The following ERG variants were observed in gnomAD, a reference collection of about 807,000 sequenced individuals.
ERG encodes the protein transcriptional regulator ERG.
In ERG, 9 loss-of-function variants were observed where a neutral mutation model predicts 55.3. The ratio of observed to expected loss-of-function variants is 0.16; its 90% CI spans 0.10 to 0.28. ERG has a LOEUF of 0.28. Among genes scored for constraint, ERG ranks in the 10% least tolerant of loss-of-function variants. ERG has a pLI of 1.00. For synonymous variants in ERG, 223 were observed against 237.3 expected, an observed-to-expected ratio of 0.94 and a Z score of 0.55; for missense variants, 434 against 631.6, an observed-to-expected ratio of 0.69 and a Z score of 3.35.
intron 1 of ERG, among the ~76,000 whole-genome samples, chr21:38,634,034 AAAAAATAATACGTCCAC>A (rs576884466): frequency 1.8e-4 from 27 of 152,230 alleles, no homozygotes; most frequent in Non-Finnish European, 3.2e-4. Context: ...GAACATTGAT[AAAAAATAATACGTCCAC>A]AAAAATAAAA....
chr21:38,490,130 G>A (rs924721805), intron 1 of ERG, among the ~76,000 whole-genome samples: 7 of 152,124 alleles, frequency 4.6e-5, no homozygotes, highest in Non-Finnish European at 1.0e-4. Flanking sequence ...ATAATTGGGA[G>A]CTCACTGTGT....
At chr21:38,569,205 G>C (rs2059942352) in intron 2 of ERG, among the ~76,000 whole-genome samples, 1 of 152,306 alleles carries the variant, frequency 6.6e-6, no homozygotes, top group South Asian at 2.1e-4. Context: ...TGGAAGGTTT[G>C]CTAAATGTTT....
At chr21:38,432,560 G>T (rs2146528115) in intron 2 of ERG, among the ~76,000 whole-genome samples, 1 of 152,182 alleles carries the variant, frequency 6.6e-6, no homozygotes, top group East Asian at 1.9e-4. Context: ...CATGGCTCCA[G>T]ACTCTTTCCA....
chr21:38,396,758 C>T (rs1451465446), intron 6 of ERG, among the ~76,000 whole-genome samples: 2 of 151,956 alleles, frequency 1.3e-5, no homozygotes, highest in African/African-American at 4.8e-5. Flanking sequence ...TCTGTTTTTG[C>T]CACTTTTTCC....
chr21:38,504,788 G>C (rs1324233933), intron 2 of ERG, among the ~76,000 whole-genome samples: 1 of 152,134 alleles, frequency 6.6e-6, no homozygotes, highest in Non-Finnish European at 1.5e-5. Context: ...ATTTATCCCA[G>C]GTTGTTGAAA....
intron 1 of ERG, among the ~76,000 whole-genome samples, chr21:38,641,382 T>C (rs539341560): frequency 1.9e-3 from 290 of 152,272 alleles, no homozygotes; most frequent in Non-Finnish European, 3.3e-3. Flanking sequence ...TGCCTTGACA[T>C]TGAACTTCCC....
At chr21:38,530,556 T>C (rs2059665124) in intron 2 of ERG, among the ~76,000 whole-genome samples, 2 of 152,184 alleles carry the variant, frequency 1.3e-5, no homozygotes, top group South Asian at 2.1e-4. Flanking sequence ...CAAAACTGTC[T>C]GGCAGAATTC....
In ERG at chr21:38,381,292, G is replaced by A. The variant is rs1254087126; in HGVS notation, c.*2111C>T. 1.0e-5 allele frequency: 11 copies of A among 1,064,602 alleles called. No individual in the cohort carries two copies. The highest frequency in any genetic ancestry group is 4.1e-4 in the Middle Eastern group (1 of 2,418). 65.9% of individuals were successfully genotyped at this position (1,064,602 alleles called of 1,614,324 possible). On this transcript the variant is annotated 3_prime_UTR_variant, in exon 10 of 10. Transcript: ENST00000288319. Reference sequence around the variant, plus strand: ...CTAAGATGTTTCGGCTAGCGCCTTCGCACGGTCACCTTGTATTTTCACCTT... The same window carrying A: ...CTAAGATGTTTCGGCTAGCGCCTTCACACGGTCACCTTGTATTTTCACCTT...
chr21:38,469,915 C>A (rs966614352), intron 1 of ERG, among the ~76,000 whole-genome samples: 1 of 152,158 alleles, frequency 6.6e-6, no homozygotes, highest in African/African-American at 2.4e-5. Flanking sequence ...AACGATTTCC[C>A]CAGCAATTTG....
intron 1 of ERG, among the ~76,000 whole-genome samples, chr21:38,479,259 C>T (rs1374501891): frequency 6.6e-6 from 1 of 152,138 alleles, no homozygotes; most frequent in African/African-American, 2.4e-5. Context: ...ATCTTGCCAT[C>T]AGGACCTGGT....
At chr21:38,374,298 A>G in the ERG span, among the ~76,000 whole-genome samples, 2 of 152,248 alleles carry the variant, frequency 1.3e-5, no homozygotes, top group Non-Finnish European at 2.9e-5. Flanking sequence ...AGCTGCTTAC[A>G]GACTCCCTGG....
At chr21:38,580,871 G>T (rs1457395691) in intron 1 of ERG, among the ~76,000 whole-genome samples, 4 of 144,226 alleles carry the variant, frequency 2.8e-5, no homozygotes, top group African/African-American at 1.2e-4. Context: ...CAGGGCTGGT[G>T]CAAGAAAATA....
intron 3 of ERG, among the ~76,000 whole-genome samples, chr21:38,408,926 G>C (rs1433496555): frequency 6.6e-6 from 1 of 152,160 alleles, no homozygotes; most frequent in Admixed American, 6.5e-5. Context: ...AGGTAGCAGT[G>C]TGTTTGGAAC....
chr21:38,563,215 T>G (rs1477163217), intron 2 of ERG, among the ~76,000 whole-genome samples: 1 of 152,218 alleles, frequency 6.6e-6, no homozygotes, highest in African/African-American at 2.4e-5. Flanking sequence ...CATCACCTGT[T>G]TGTCCAAACC....
At chr21:38,619,398 C>A (rs1287043260) in intron 1 of ERG, among the ~76,000 whole-genome samples, 1 of 152,138 alleles carries the variant, frequency 6.6e-6, no homozygotes, top group Non-Finnish European at 1.5e-5. Context: ...CTCTTACTCC[C>A]TCCCCTGTCT....
intron 2 of ERG, among the ~76,000 whole-genome samples, chr21:38,517,821 C>T (rs952278850): frequency 3.9e-5 from 6 of 151,920 alleles, no homozygotes; most frequent in African/African-American, 2.4e-5. Flanking sequence ...TGGATGGAAC[C>T]GGAGGTCATT....
intron 3 of ERG, among the ~76,000 whole-genome samples, chr21:38,419,910 A>G (rs1338454104): frequency 2.0e-5 from 3 of 152,156 alleles, no homozygotes; most frequent in Admixed American, 6.5e-5. Flanking sequence ...CTGTGGTTTT[A>G]TCTCTCAGTC....
intron 2 of ERG, among the ~76,000 whole-genome samples, chr21:38,556,873 A>G (rs2059861754): frequency 6.6e-6 from 1 of 152,170 alleles, no homozygotes; most frequent in South Asian, 2.1e-4. Context: ...TAGACCACTG[A>G]AATTTGAGAG....
At chr21:38,508,059 A>G in intron 2 of ERG, among the ~76,000 whole-genome samples, 1 of 151,122 alleles carries the variant, frequency 6.6e-6, no homozygotes, top group Non-Finnish European at 1.5e-5. Flanking sequence ...ATAAACACAC[A>G]TATACACACA....
Sources: gnomAD v4.1 joint callset for allele counts (sites outside exome capture counted in the v4.1 genomes callset) on GRCh38, gnomAD v4.1.1 for gene constraint, MANE v1.5 for transcripts, NCBI Gene and HGNC (gene_info 2026-07-23, HGNC 2026-07-21) for gene names.